CASZ1: variants seen among roughly 807,000 people sequenced by gnomAD.
The protein encoded by CASZ1 is zinc finger protein castor homolog 1.
In CASZ1, 28 loss-of-function variants were observed where a neutral mutation model predicts 135.2. The ratio of observed to expected loss-of-function variants is 0.21; its 90% confidence interval spans 0.15 to 0.28. The LOEUF (loss-of-function observed/expected upper bound fraction) is 0.28, where lower values mean the gene tolerates loss of function less well. Among genes scored for constraint, CASZ1 ranks in the 10% least tolerant of loss-of-function variants. The probability of loss-of-function intolerance (pLI) is 1.00; values close to 1 mark genes in which losing one functional copy is unlikely to be tolerated. For missense variants in CASZ1, 2,161 were observed against 2,453.3 expected, an observed-to-expected ratio of 0.88 and a Z score of 2.52; for synonymous variants, 1,068 against 1,073.4, an observed-to-expected ratio of 0.99 and a Z score of 0.10.
At chr1:10,775,817 C>T (rs1276810468) in intron 1 of CASZ1, among the ~76,000 whole-genome samples, 1 of 152,192 alleles carries the variant, frequency 6.6e-6, no homozygotes, top group East Asian at 1.9e-4. Context: ...ACGTGTGTCT[C>T]TCTGCCAGCT....
rs1639567234 is a variant in CASZ1, at chr1:10,724,802, C to CT, written c.-76-19259dup. ...GAGGCAGAGGAAGGCAGGTGGGGGG[C>CT]TGGCTGGGAGCCTCGGAGGATGACA... On this transcript the variant is annotated intron_variant, in intron 2 of 20. Transcript: ENST00000377022. The surrounding 1 kb of genome is among the most constrained non-coding windows in gnomAD (Gnocchi z 4.1). 6.6e-6 allele frequency among the ~76,000 whole-genome samples: 1 copy of CT among 152,152 alleles called. No homozygotes were observed.
intron 13 of CASZ1, chr1:10,649,719 G>A (rs1642497785): frequency 2.5e-6 from 1 of 393,250 alleles, no homozygotes; most frequent in Non-Finnish European, 4.6e-6. Flanking sequence ...CGCGACTCAG[G>A]GTGCACGCTG....
At chr1:10,686,096 C>A (rs1638578436) in intron 4 of CASZ1, among the ~76,000 whole-genome samples, 1 of 152,090 alleles carries the variant, frequency 6.6e-6, no homozygotes, top group Admixed American at 6.5e-5. Context: ...CCCACCTGAC[C>A]CCTTCCCAGG....
At chr1:10,778,236 C>T (rs910680093) in intron 1 of CASZ1, among the ~76,000 whole-genome samples, 11 of 151,934 alleles carry the variant, frequency 7.2e-5, no homozygotes, top group African/African-American at 2.7e-4. Flanking sequence ...CATACACAAT[C>T]ACACAATCTC....
chr1:10,705,932 G>A (rs866936463), intron 2 of CASZ1, among the ~76,000 whole-genome samples: 1 of 152,254 alleles, frequency 6.6e-6, no homozygotes, highest in Non-Finnish European at 1.5e-5. Context: ...GCCTAGCAGG[G>A]ATGCCTGGGG....
At chr1:10,718,202 C>T (rs918545158) in intron 2 of CASZ1, among the ~76,000 whole-genome samples, 4 of 152,186 alleles carry the variant, frequency 2.6e-5, no homozygotes, top group African/African-American at 4.8e-5. Flanking sequence ...GACTGGTTCG[C>T]AGTCTCCCCT....
At chr1:10,782,234 TG>T (rs1640775564) in intron 1 of CASZ1, among the ~76,000 whole-genome samples, 1 of 152,074 alleles carries the variant, frequency 6.6e-6, no homozygotes, top group Non-Finnish European at 1.5e-5. Context: ...AATGCTTAAG[TG>T]GGGAGGTCTA....
At chr1:10,688,175 G>A (rs1638654066) in intron 4 of CASZ1, among the ~76,000 whole-genome samples, 1 of 152,210 alleles carries the variant, frequency 6.6e-6, no homozygotes, top group Non-Finnish European at 1.5e-5. Context: ...CTGGCCTCCT[G>A]GGGATCAGGG....
intron 11 of CASZ1, chr1:10,652,751 A>T (rs943305304): frequency 2.6e-5 from 4 of 152,406 alleles, no homozygotes; most frequent in African/African-American, 9.6e-5. Flanking sequence ...GTGGTTGTTT[A>T]AAGTGACAAT....
At chr1:10,691,663 G>A (rs554860021) in intron 4 of CASZ1, among the ~76,000 whole-genome samples, 22 of 152,362 alleles carry the variant, frequency 1.4e-4, no homozygotes, top group African/African-American at 2.6e-4. Context: ...GCTGTATGCC[G>A]TGTGCACTAT....
chr1:10,673,892 G>T (rs1463645229), intron 4 of CASZ1, among the ~76,000 whole-genome samples: 1 of 152,196 alleles, frequency 6.6e-6, no homozygotes, highest in Non-Finnish European at 1.5e-5. Flanking sequence ...CCTGGGTCTT[G>T]CCCTCCTTGC....
chr1:10,665,953 G>A (rs1416442466), intron 4 of CASZ1, among the ~76,000 whole-genome samples: 1 of 152,174 alleles, frequency 6.6e-6, no homozygotes, highest in African/African-American at 2.4e-5. Flanking sequence ...GGAAACTGAG[G>A]CCCAGGGAGG....
In CASZ1 at chr1:10,646,469, A is replaced by G; in HGVS notation, c.3498-143T>C. The G allele has an allele frequency of 1.4e-6, 1 of 738,282 alleles. No homozygotes were observed. The highest frequency in any genetic ancestry group is 2.3e-6 in the Non-Finnish European group (1 of 432,344). 45.7% of individuals were successfully genotyped at this position (738,282 alleles called of 1,614,324 possible). A position where few individuals can be genotyped will look rare whatever the true frequency, so the allele number is the denominator to read the frequency against. ...ATGGCCTGGGCTGCTGTCCTGCTCA[A>G]CAGGATGACTCAGCTGGAGACTACA... On this transcript the variant is annotated intron_variant, in intron 16 of 20. Coordinates refer to ENST00000377022, the MANE Select transcript of CASZ1 (RefSeq NM_001079843.3). This position sits in a 1 kb window ranked among gnomAD's most constrained non-coding sequence, Gnocchi z 6.4.
chr1:10,793,771 G>C (rs919118475), intron 1 of CASZ1, among the ~76,000 whole-genome samples: 1 of 152,120 alleles, frequency 6.6e-6, no homozygotes, highest in Non-Finnish European at 1.5e-5. Flanking sequence ...TCTGGGGACA[G>C]AGATGGTGGC....
At chr1:10,779,835 C>T (rs1441226392) in intron 1 of CASZ1, among the ~76,000 whole-genome samples, 1 of 152,244 alleles carries the variant, frequency 6.6e-6, no homozygotes, top group Non-Finnish European at 1.5e-5. Context: ...TGGGCAGACC[C>T]TATGAAGTGA....
intron 12 of CASZ1, 41 bp from the exon 13 acceptor site, chr1:10,650,796 G>C: frequency 6.2e-7 from 1 of 1,607,004 alleles, no homozygotes; most frequent in Non-Finnish European, 8.5e-7. Context: ...CAGACGGCCG[G>C]GGCCTGGGCC....
rs1570493400 is a variant in CASZ1 at position 10,697,636 on chromosome 1, G to A, written c.-23-3724C>T. On this transcript the variant is annotated intron_variant, in intron 3 of 20. Coordinates refer to ENST00000377022, the MANE Select transcript of CASZ1 (RefSeq NM_001079843.3). The surrounding 1 kb of genome is among the most constrained non-coding windows in gnomAD (Gnocchi z 4.7). ...TGCCCACCTACACTCTCTCCCTCCCGAGCCTGGGGCCTTCTCACTCACCAG... is the reference window on the plus strand; with the variant it reads ...TGCCCACCTACACTCTCTCCCTCCCAAGCCTGGGGCCTTCTCACTCACCAG... 6.6e-6 allele frequency among the ~76,000 whole-genome samples: 1 copy of A among 150,496 alleles called. No homozygotes were observed. The highest frequency in any genetic ancestry group is 2.5e-5 in the African/African-American group (1 of 40,616).
intron 4 of CASZ1, among the ~76,000 whole-genome samples, chr1:10,678,503 GC>G (rs71583889): frequency 0.38 from 57,928 of 151,610 alleles, 12,355 homozygotes; most frequent in Non-Finnish European, 0.46. Flanking sequence ...CCGCGAGGGG[GC>G]CCGAGGCCGG....
rs775038904 is a variant in CASZ1 at position 10,659,722 on chromosome 1, C to T, written c.1320G>A (p.Thr440=). ...CTTACTTGACAGTGGAGACGGTCCC[C>T]GTGGTGATGGAGTCTGTTTTGGAGA... The part of the protein sequence containing the change: ...STFSKTDSIT[T]GTVSTVKNGL... The change falls in exon 6 of 21, where the codon ACG becomes ACA. Residue 440 remains threonine, a synonymous_variant. Coordinates refer to ENST00000377022, the MANE Select transcript of CASZ1 (RefSeq NM_001079843.3). The T allele has an allele frequency of 1.2e-5, 19 of 1,613,734 alleles. No homozygotes were observed. Among genetic ancestry groups the T allele is most frequent in the East Asian group, 8.9e-5 (4 of 44,880 alleles).
Sources: allele counts gnomAD v4.1 joint callset (sites outside exome capture counted in the v4.1 genomes callset), GRCh38; gene constraint gnomAD v4.1.1; non-coding constraint Gnocchi (gnomAD v3.1); transcripts MANE v1.5; gene names NCBI Gene and HGNC (gene_info 2026-07-23, HGNC 2026-07-21).